HNRNPF: variants seen among roughly 807,000 people sequenced by gnomAD.
HNRNPF encodes the protein heterogeneous nuclear ribonucleoprotein F.
HNRNPF carries 2 observed loss-of-function variants against 26.0 expected under a neutral mutation model. The ratio of observed to expected loss-of-function variants is 0.08; its 90% CI spans 0.03 to 0.24. HNRNPF has a LOEUF of 0.24. HNRNPF is among the 10% of genes least tolerant of loss of function. HNRNPF has a pLI of 1.00. For synonymous variants in HNRNPF, 234 were observed against 211.5 expected (o/e 1.11, Z -0.92); for missense variants, 299 against 539.2 (o/e 0.55, Z 4.41).
intron 1 of HNRNPF, among the ~76,000 whole-genome samples, chr10:43,399,902 G>A (rs751080176): frequency 3.9e-5 from 6 of 152,150 alleles, no homozygotes; most frequent in East Asian, 1.9e-4. Context: ...TAGAATGAAC[G>A]AAAAACAGAA....
chr10:43,387,221 T>C lies in HNRNPF; in HGVS notation c.664A>G (p.Ile222Val), dbSNP rs143738691. 1.3e-3 allele frequency: 2,121 copies of C among 1,614,212 alleles called. 4 individuals are homozygous for C. Among genetic ancestry groups the C allele is most frequent in the Middle Eastern group, 1.8e-3 (11 of 6,062 alleles). The change falls in exon 4 of 4, where the codon ATC becomes GTC. Residue 222 changes from isoleucine (I) to valine (V), a missense_variant. Transcript: ENST00000682386. The surrounding 1 kb of genome is among the most constrained non-coding windows in gnomAD (Gnocchi z 6.0). ...RPGTARRYIGIVKQAGLERMR... is the reference protein window; with the variant it reads ...RPGTARRYIGVVKQAGLERMR... Reference sequence around the variant, plus strand: ...CTTTCCAGGCCTGCCTGCTTCACGATGCCAATGTACCTCCTGGCAGTCCCG... The same window carrying C: ...CTTTCCAGGCCTGCCTGCTTCACGACGCCAATGTACCTCCTGGCAGTCCCG...
intron 3 of HNRNPF, among the ~76,000 whole-genome samples, chr10:43,391,776 T>C (rs1342510644): frequency 4.6e-5 from 7 of 152,188 alleles, no homozygotes; most frequent in Non-Finnish European, 1.0e-4. Flanking sequence ...CTTCTTTTTT[T>C]CCTTTTCCCC....
intron 1 of HNRNPF, among the ~76,000 whole-genome samples, chr10:43,405,970 G>A (rs1257884176): frequency 6.6e-6 from 1 of 151,990 alleles, no homozygotes; most frequent in Non-Finnish European, 1.5e-5. Flanking sequence ...GACCCAGTTG[G>A]GACTGGGTCC....
chr10:43,407,285 G>A (rs1310535213), intron 1 of HNRNPF, among the ~76,000 whole-genome samples: 2 of 151,704 alleles, frequency 1.3e-5, no homozygotes, highest in African/African-American at 4.8e-5. Context: ...CTCGCGTCCC[G>A]CCACGCAGAT....
intron 1 of HNRNPF, among the ~76,000 whole-genome samples, chr10:43,401,552 T>A (rs1439361716): frequency 6.6e-6 from 1 of 152,164 alleles, no homozygotes; most frequent in African/African-American, 2.4e-5. Flanking sequence ...TAAAATCTGT[T>A]CTTAACTGAG....
chr10:43,388,442 A>T (rs2131960947), intron 3 of HNRNPF, among the ~76,000 whole-genome samples: 1 of 152,350 alleles, frequency 6.6e-6, no homozygotes, highest in African/African-American at 2.4e-5. Context: ...TCTCATCAGC[A>T]GTAATGTTGC....
intron 1 of HNRNPF, among the ~76,000 whole-genome samples, chr10:43,398,813 G>A (rs566789242): frequency 1.2e-4 from 18 of 151,968 alleles, no homozygotes; most frequent in East Asian, 9.7e-4. Context: ...AACCACACCC[G>A]GCTAATACAA....
At chr10:43,398,022 T>C (rs1838621208) in intron 1 of HNRNPF, among the ~76,000 whole-genome samples, 1 of 152,152 alleles carries the variant, frequency 6.6e-6, no homozygotes, top group African/African-American at 2.4e-5. Context: ...TTGACTGTTT[T>C]GTTTGTTTGG....
At chr10:43,401,782 C>CA (rs1416892135) in intron 1 of HNRNPF, among the ~76,000 whole-genome samples, 2 of 152,156 alleles carry the variant, frequency 1.3e-5, no homozygotes, top group African/African-American at 4.8e-5. Flanking sequence ...GGGGTATCCT[C>CA]AGCCCCCTGA....
At position 43,387,557 on chromosome 10, in the gene HNRNPF, C is replaced by T. The variant is rs1838076646; in HGVS notation, c.328G>A (p.Asp110Asn). ...AGTCCTCGAAGCCGCACGAAGCCAT[C>T]GTTGGCGCTGTCGGCACTGTTGGGA... is the stretch of plus-strand genomic sequence containing the variant. ...SGPNSADSAN[D>N]GFVRLRGLPF... is the part of the protein sequence containing the mutation. The change falls in exon 4 of 4, where the codon GAT becomes AAT. Residue 110 changes from aspartate to asparagine, a missense_variant. Asp to Asn is a conservative substitution (Grantham distance 23). Coordinates refer to ENST00000682386, the MANE Select transcript of HNRNPF (RefSeq NM_001098204.2). The surrounding 1 kb of genome is among the most constrained non-coding windows in gnomAD (Gnocchi z 6.0). The T allele has an allele frequency of 6.2e-7, 1 of 1,614,088 alleles. No homozygotes were observed. Among genetic ancestry groups the T allele is most frequent in the African/African-American group, 1.3e-5 (1 of 74,946 alleles).
chr10:43,386,905 A>C lies in HNRNPF; in HGVS notation c.980T>G (p.Val327Gly). ...AAACTCAACATCTGCTTCACCCGTC[A>C]CTCTTCCATCTGGGCCAATCTCAAT... is the stretch of plus-strand genomic sequence containing the variant. ...VHIEIGPDGRVTGEADVEFAT... is the reference protein window; with the variant it reads ...VHIEIGPDGRGTGEADVEFAT... The change falls in exon 4 of 4, where the codon GTG becomes GGG. Residue 327 changes from valine (V) to glycine (G), a missense_variant. Physicochemically the swap from Val to Gly is moderately radical, Grantham distance 109. Coordinates refer to ENST00000682386, the MANE Select transcript of HNRNPF (RefSeq NM_001098204.2). 6.2e-7 allele frequency: 1 copy of C among 1,613,750 alleles called. No individual in the cohort carries two copies. The highest frequency in any genetic ancestry group is 8.5e-7 in the Non-Finnish European group (1 of 1,179,960).
intron 3 of HNRNPF, among the ~76,000 whole-genome samples, chr10:43,393,962 A>G (rs1397828749): frequency 6.6e-6 from 1 of 152,074 alleles, no homozygotes; most frequent in Non-Finnish European, 1.5e-5. Context: ...GCTCAAATAC[A>G]CCACCTTTCT....
In HNRNPF at chr10:43,391,532, T is replaced by C. The variant is rs552994137; in HGVS notation, c.-53+3098A>G. On this transcript the variant is annotated intron_variant, in intron 3 of 3. Coordinates refer to ENST00000682386, the MANE Select transcript of HNRNPF (RefSeq NM_001098204.2). ...CCATAGAGTAAGCGGGCCCTCAATA[T>C]CGCCCACTGTCCTACCCCAGCACCC... Among the ~76,000 whole-genome samples the C allele has an allele frequency of 7.9e-4, 119 of 151,284 alleles. 1 individual carries two copies. Among genetic ancestry groups the C allele is most frequent in the African/African-American group, 2.7e-3 (112 of 41,262 alleles).
At chr10:43,401,548 C>G (rs1838754619) in intron 1 of HNRNPF, among the ~76,000 whole-genome samples, 1 of 152,146 alleles carries the variant, frequency 6.6e-6, no homozygotes, top group East Asian at 1.9e-4. Context: ...AAAATAAAAT[C>G]TGTTCTTAAC....
At chr10:43,393,490 G>A (rs55765722) in intron 3 of HNRNPF, among the ~76,000 whole-genome samples, 16,905 of 152,066 alleles carry the variant, frequency 0.11, 985 homozygotes, top group Non-Finnish European at 0.12. Flanking sequence ...AGCTACTCAG[G>A]AAGGCTGAGG....
In HNRNPF at chr10:43,387,908, A is replaced by T; in HGVS notation, c.-24T>A. On this transcript the variant is annotated 5_prime_UTR_variant, in exon 4 of 4. Coordinates refer to ENST00000682386, the MANE Select transcript of HNRNPF (RefSeq NM_001098204.2). The surrounding 1 kb of genome is among the most constrained non-coding windows in gnomAD (Gnocchi z 6.0). ...ATGGACACTTGTCAGGGTGGGTGTCAGGTGATCTTGGGTGTGGCTTTTTTG... is the reference window on the plus strand; with the variant it reads ...ATGGACACTTGTCAGGGTGGGTGTCTGGTGATCTTGGGTGTGGCTTTTTTG... 1 of 1,569,364 alleles carries T rather than the reference A, an allele frequency of 6.4e-7. No individual in the cohort carries two copies. The highest frequency in any genetic ancestry group is 8.7e-7 in the Non-Finnish European group (1 of 1,151,288).
chr10:43,408,567 A>C (rs1009048088), intron 1 of HNRNPF, among the ~76,000 whole-genome samples: 1 of 151,900 alleles, frequency 6.6e-6, no homozygotes, highest in African/African-American at 2.4e-5. Context: ...CCCCACCCCA[A>C]TAGGCCCAGT....
chr10:43,391,487 AAG>A (rs1838246014), intron 3 of HNRNPF, among the ~76,000 whole-genome samples: 1 of 152,020 alleles, frequency 6.6e-6, no homozygotes, highest in Non-Finnish European at 1.5e-5. Flanking sequence ...AGAAAAAAAA[AAG>A]AAAATCAGAG....
Position 43,385,621 on chromosome 10 carries a change from GT to G in HNRNPF, c.*1015del, listed in dbSNP as rs1242634050. ...ATCAGGAGCGTGACCAAAAAAAAAAGTTTAAATCAGCATTTTATAAAAACTA... is the reference window on the plus strand; with the variant it reads ...ATCAGGAGCGTGACCAAAAAAAAAAGTTAAATCAGCATTTTATAAAAACTA... On this transcript the variant is annotated 3_prime_UTR_variant, in exon 4 of 4. Transcript: ENST00000682386. 7 of 151,876 alleles carry G rather than the reference GT, an allele frequency of 4.6e-5. No individual in the cohort carries two copies. The highest frequency in any genetic ancestry group is 4.6e-4 in the Admixed American group (7 of 15,244). The allele number at this position is 151,876 out of a possible 1,614,324, so 9.4% of individuals were successfully genotyped here.
Sources: allele counts gnomAD v4.1 joint callset (sites outside exome capture counted in the v4.1 genomes callset), GRCh38; gene constraint gnomAD v4.1.1; non-coding constraint Gnocchi (gnomAD v3.1); transcripts MANE v1.5; gene names NCBI Gene and HGNC (gene_info 2026-07-23, HGNC 2026-07-21).